The following GLB1 variants were observed in gnomAD, a reference collection of about 807,000 sequenced individuals.
GLB1 encodes galactosidase beta 1.
GLB1 carries 56 observed loss-of-function variants against 74.0 expected under a neutral mutation model. The observed-to-expected ratio is 0.76, with a 90% confidence interval of 0.61 to 0.94. The LOEUF (loss-of-function observed/expected upper bound fraction) is 0.94, where lower values mean the gene tolerates loss of function less well. GLB1 is among the 40% of genes least tolerant of loss of function. GLB1 has a pLI of 0.00. For synonymous variants in GLB1, 323 were observed against 323.6 expected (o/e 1.00, Z 0.02); for missense variants, 787 against 845.5 (o/e 0.93, Z 0.86).
intron 10 of GLB1, 34 bp downstream of exon 10, chr3:33,046,086 G>C (rs760387502): frequency 1.2e-6 from 2 of 1,607,716 alleles, no homozygotes; most frequent in Non-Finnish European, 1.7e-6. Context: ...CTCTGTCCAA[G>C]ATCAGCCCAC....
chr3:33,096,358 TG>T, intron 1 of GLB1: 1 of 978,856 alleles, frequency 1.0e-6, no homozygotes, highest in Non-Finnish European at 1.2e-6. Flanking sequence ...TCGCCAGCCC[TG>T]CCCCGATCAA....
At chr3:33,007,959 C>T (rs142389373) in intron 15 of GLB1, among the ~76,000 whole-genome samples, 2 of 152,340 alleles carry the variant, frequency 1.3e-5, no homozygotes, top group African/African-American at 4.8e-5. Flanking sequence ...AGTTACTTAG[C>T]TATCTAAGCC....
intron 1 of GLB1, chr3:33,090,869 C>A: frequency 1.0e-6 from 1 of 984,966 alleles, no homozygotes. Context: ...ATGAAGGGTA[C>A]ATAAGACCAC....
chr3:33,092,280 C>T, intron 1 of GLB1: 1 of 986,558 alleles, frequency 1.0e-6, no homozygotes, highest in Non-Finnish European at 1.2e-6. Flanking sequence ...TAGAGGTGAT[C>T]CTGATAGAAT....
the GLB1 span, among the ~76,000 whole-genome samples, chr3:32,989,602 A>G: frequency 6.6e-6 from 1 of 152,204 alleles, no homozygotes. Context: ...TCATGGGTCA[A>G]TCACCAAAAC....
At chr3:32,986,913 C>G in the GLB1 span, among the ~76,000 whole-genome samples, 1 of 152,116 alleles carries the variant, frequency 6.6e-6, no homozygotes, top group Admixed American at 6.5e-5. Flanking sequence ...ACCTGGAATA[C>G]TCTTCCCCTA....
chr3:33,059,811 TA>T (rs1178047579), intron 5 of GLB1, among the ~76,000 whole-genome samples: 1 of 152,168 alleles, frequency 6.6e-6, no homozygotes, highest in Non-Finnish European at 1.5e-5. Flanking sequence ...TATAAAAAAT[TA>T]AAAAATACCC....
chr3:33,076,619 C>T (rs1227496853), intron 1 of GLB1, among the ~76,000 whole-genome samples: 1 of 152,170 alleles, frequency 6.6e-6, no homozygotes, highest in Non-Finnish European at 1.5e-5. Context: ...GAGGCTCCCA[C>T]TGTTCTTGGG....
the GLB1 span, among the ~76,000 whole-genome samples, chr3:32,990,848 C>A: frequency 6.6e-6 from 1 of 152,080 alleles, no homozygotes; most frequent in African/African-American, 2.4e-5. Context: ...GTGGCGGGTG[C>A]CTGTAGTCCC....
At chr3:33,066,560 G>C (rs1178253872) in intron 4 of GLB1, among the ~76,000 whole-genome samples, 1 of 152,124 alleles carries the variant, frequency 6.6e-6, no homozygotes, top group African/African-American at 2.4e-5. Flanking sequence ...AAATTACTCA[G>C]TTTCAGGTAT....
intron 10 of GLB1, among the ~76,000 whole-genome samples, chr3:33,031,148 T>C (rs1410828740): frequency 2.0e-5 from 3 of 152,184 alleles, no homozygotes; most frequent in Admixed American, 6.5e-5. Flanking sequence ...GTGAAATATA[T>C]TGCCCATCAC....
At chr3:32,990,216 C>T in the GLB1 span, among the ~76,000 whole-genome samples, 16 of 152,310 alleles carry the variant, frequency 1.1e-4, no homozygotes, top group East Asian at 3.1e-3. Context: ...GCACTTTCTG[C>T]TCTACTCATG....
At chr3:32,992,961 C>T (rs1427402171), downstream of GLB1, among the ~76,000 whole-genome samples, 2 of 152,252 alleles carry the variant, frequency 1.3e-5, no homozygotes, top group Non-Finnish European at 2.9e-5. Flanking sequence ...AACCACCTGG[C>T]CCCACTGTCT....
chr3:33,063,384 G>T (rs1288499953), intron 5 of GLB1, among the ~76,000 whole-genome samples: 1 of 152,036 alleles, frequency 6.6e-6, no homozygotes, highest in African/African-American at 2.4e-5. Flanking sequence ...GTAAACAAGG[G>T]GCAAAAATGA....
At chr3:33,053,686 G>T (rs1043185898) in intron 6 of GLB1, 137 bp from the exon 7 acceptor site, 1 of 1,152,036 alleles carries the variant, frequency 8.7e-7, no homozygotes, top group Admixed American at 2.0e-5. Flanking sequence ...TTCTCATGTT[G>T]GAACTTAACA....
intron 1 of GLB1, among the ~76,000 whole-genome samples, chr3:33,074,596 A>G (rs575412987): frequency 5.4e-4 from 82 of 152,050 alleles, no homozygotes; most frequent in African/African-American, 1.9e-3. Flanking sequence ...GCAAGACCTC[A>G]ACGGGTGGTG....
chr3:33,089,881 T>TG (rs1700675771), intron 1 of GLB1, among the ~76,000 whole-genome samples: 1 of 152,192 alleles, frequency 6.6e-6, no homozygotes. Context: ...CACTTAAAAA[T>TG]GGTTAAGATC....
intron 10 of GLB1, among the ~76,000 whole-genome samples, chr3:33,031,675 A>ATATATATATATATATATATATATAT (rs1698048432): frequency 7.8e-6 from 1 of 128,366 alleles, no homozygotes; most frequent in African/African-American, 2.9e-5. Context: ...ATATATATAT[A>ATATATATATATATATATATATATAT]ATCTCCACTA....
intron 15 of GLB1, among the ~76,000 whole-genome samples, chr3:33,009,154 T>TAAATAAATAAATAAATAAA (rs761134064): frequency 7.6e-6 from 1 of 131,518 alleles, no homozygotes; most frequent in Non-Finnish European, 1.7e-5. Flanking sequence ...AATAAATAAA[T>TAAATAAATAAATAAATAAA]AAAAAAGATT....
Sources: allele counts gnomAD v4.1 joint callset (sites outside exome capture counted in the v4.1 genomes callset), GRCh38; gene constraint gnomAD v4.1.1; transcripts MANE v1.5; gene names NCBI Gene and HGNC (gene_info 2026-07-23, HGNC 2026-07-21).